The following NDFIP1 variants were observed in gnomAD, a reference collection of about 807,000 sequenced individuals.
NDFIP1 encodes NEDD4 family-interacting protein 1.
Under a neutral mutation model 28.8 loss-of-function variants are expected in NDFIP1, and 7 were observed. The ratio of observed to expected loss-of-function variants is 0.24; its 90% CI spans 0.14 to 0.46. The LOEUF (loss-of-function observed/expected upper bound fraction) is 0.46, where lower values mean the gene tolerates loss of function less well. NDFIP1 is among the 20% of genes least tolerant of loss of function. NDFIP1 has a pLI of 0.99. For synonymous variants in NDFIP1, 92 were observed against 101.0 expected, an observed-to-expected ratio of 0.91 and a Z score of 0.53; for missense variants, 194 against 269.1, an observed-to-expected ratio of 0.72 and a Z score of 1.95.
chr5:142,123,997 A>G (rs971746328), intron 1 of NDFIP1, among the ~76,000 whole-genome samples: 7 of 152,216 alleles, frequency 4.6e-5, no homozygotes, highest in African/African-American at 1.4e-4. Flanking sequence ...TAGACTTGCT[A>G]TTAACTATTT....
At position 142,137,832 on chromosome 5, in the gene NDFIP1, CTA is replaced by C; in HGVS notation, c.470_471del (p.Leu157HisfsTer2). On this transcript the variant is annotated frameshift_variant, in exon 5 of 8. Transcript: ENST00000253814. LOFTEE classifies it high-confidence loss of function. The stretch of plus-strand genomic sequence containing the variant: ...GGCCATTTCAGGATTTGGTCTCTCT[CTA>C]ATTAAATGGATCCTGATTGTCAGGG... ...YGAISGFGLS[L>X]IKWILIVRFS... is the part of the protein sequence containing the mutation. 6.2e-7 allele frequency: 1 copy of C among 1,614,070 alleles called. No individual in the cohort carries two copies. Among genetic ancestry groups the C allele is most frequent in the Non-Finnish European group, 8.5e-7 (1 of 1,179,976 alleles).
intron 1 of NDFIP1, among the ~76,000 whole-genome samples, chr5:142,130,761 A>G (rs1462846439): frequency 2.6e-5 from 4 of 152,152 alleles, no homozygotes; most frequent in Non-Finnish European, 5.9e-5. Flanking sequence ...CAGATACACA[A>G]CAAAAAGGAA....
At chr5:142,126,789 C>T (rs79824688) in intron 1 of NDFIP1, among the ~76,000 whole-genome samples, 3,624 of 152,046 alleles carry the variant, frequency 0.024, 55 homozygotes, top group Non-Finnish European at 0.036. Context: ...GTGAGGAGGG[C>T]GGTGGTGAAG....
intron 1 of NDFIP1, among the ~76,000 whole-genome samples, chr5:142,122,368 C>A (rs1006705198): frequency 6.6e-6 from 1 of 152,230 alleles, no homozygotes; most frequent in Admixed American, 6.5e-5. Flanking sequence ...ACACTGCTGT[C>A]TCATTATGTG....
At chr5:142,117,357 C>A (rs1448894588) in intron 1 of NDFIP1, among the ~76,000 whole-genome samples, 7 of 151,734 alleles carry the variant, frequency 4.6e-5, no homozygotes, top group Non-Finnish European at 1.0e-4. Flanking sequence ...GATTCTCCTG[C>A]CTCAGTCTCC....
Position 142,109,007 on chromosome 5 carries a change from C to G in NDFIP1, c.33C>G (p.Val11=). MALALAALAA[V]EPACGSRYQQ... ...TGGCGTTGGCGGCGCTGGCGGCGGTCGAGCCGGCCTGCGGCAGCCGGTACC... is the reference window on the plus strand; with the variant it reads ...TGGCGTTGGCGGCGCTGGCGGCGGTGGAGCCGGCCTGCGGCAGCCGGTACC... The change falls in exon 1 of 8, where the codon GTC becomes GTG. Residue 11 remains valine, a synonymous_variant. Transcript: ENST00000253814. The G allele has an allele frequency of 6.9e-7, 1 of 1,441,228 alleles. No homozygotes were observed. Among genetic ancestry groups the G allele is most frequent in the Non-Finnish European group, 9.1e-7 (1 of 1,099,864 alleles). 89.3% of individuals were successfully genotyped at this position (1,441,228 alleles called of 1,614,324 possible).
chr5:142,119,413 ATGTT>A lies in NDFIP1; in HGVS notation c.63+10377_63+10380del, dbSNP rs1757100902. ...TCTTAAAAACTCTACTTATTTCCAA[ATGTT>A]ACTTAGGTCAGCACCTTTTCCTCCA... On this transcript the variant is annotated intron_variant, in intron 1 of 7. Transcript: ENST00000253814. Among the ~76,000 whole-genome samples the A allele has an allele frequency of 2.0e-5, 3 of 152,380 alleles. No individual in the cohort carries two copies. In the East Asian group the frequency reaches 5.8e-4, roughly 29 times the overall value.
At chr5:142,116,821 G>T (rs1002451696) in intron 1 of NDFIP1, among the ~76,000 whole-genome samples, 10 of 150,748 alleles carry the variant, frequency 6.6e-5, no homozygotes, top group African/African-American at 2.4e-4. Context: ...AGAGATTCTC[G>T]TGCCTCAGCT....
At chr5:142,130,690 T>C (rs1454089919) in intron 1 of NDFIP1, among the ~76,000 whole-genome samples, 2 of 88,746 alleles carry the variant, frequency 2.3e-5, no homozygotes, top group African/African-American at 1.1e-4. Context: ...TGAGATCCTG[T>C]CTCTCCAAAA....
chr5:142,137,521 AGT>A (rs1757289110), intron 4 of NDFIP1, among the ~76,000 whole-genome samples: 1 of 152,098 alleles, frequency 6.6e-6, no homozygotes, highest in Admixed American at 6.5e-5. Context: ...AGTAGACATA[AGT>A]GTGTAAAACC....
At position 142,130,083 on chromosome 5, in the gene NDFIP1, A is replaced by G. The variant is rs903110393; in HGVS notation, c.64-1725A>G. On this transcript the variant is annotated intron_variant, in intron 1 of 7. Coordinates refer to ENST00000253814, the MANE Select transcript of NDFIP1 (RefSeq NM_030571.4). ...TTACAAGTATGTCAGTTGGCTCTGT[A>G]TATCCTGATGATACCGAAGCCAGGA... Among the ~76,000 whole-genome samples, 36 of 152,124 alleles carry G rather than the reference A, an allele frequency of 2.4e-4. 1 individual carries two copies. Among genetic ancestry groups the G allele is most frequent in the Non-Finnish European group, 8.8e-5 (6 of 68,030 alleles).
chr5:142,117,161 A>G (rs918918998), intron 1 of NDFIP1, among the ~76,000 whole-genome samples: 9 of 152,152 alleles, frequency 5.9e-5, no homozygotes, highest in South Asian at 2.1e-4. Flanking sequence ...TTGGAGGTCT[A>G]TCTGGAGACT....
At chr5:142,132,871 A>G (rs1045635135) in intron 3 of NDFIP1, among the ~76,000 whole-genome samples, 2 of 152,220 alleles carry the variant, frequency 1.3e-5, no homozygotes, top group African/African-American at 2.4e-5. Context: ...TGCCATATAA[A>G]CCAGTGGAGA....
At chr5:142,137,106 G>A (rs994055779) in intron 4 of NDFIP1, among the ~76,000 whole-genome samples, 1 of 149,710 alleles carries the variant, frequency 6.7e-6, no homozygotes. Context: ...GAGGTTGTAA[G>A]TATACAGTTT....
chr5:142,118,628 A>G (rs1176712867), intron 1 of NDFIP1, among the ~76,000 whole-genome samples: 2 of 152,210 alleles, frequency 1.3e-5, no homozygotes, highest in Non-Finnish European at 2.9e-5. Context: ...ACTCTTGGGA[A>G]GGAAGTCACT....
At chr5:142,112,653 T>C (rs1757026801) in intron 1 of NDFIP1, among the ~76,000 whole-genome samples, 1 of 144,826 alleles carries the variant, frequency 6.9e-6, no homozygotes, top group Admixed American at 6.9e-5. Context: ...TAGTTGGGCG[T>C]GGTGGCACGT....
chr5:142,121,774 G>A (rs1440677278), intron 1 of NDFIP1, among the ~76,000 whole-genome samples: 1 of 152,230 alleles, frequency 6.6e-6, no homozygotes, highest in Non-Finnish European at 1.5e-5. Flanking sequence ...GATTTGTAAA[G>A]TAATATGAAT....
intron 7 of NDFIP1, among the ~76,000 whole-genome samples, chr5:142,149,423 C>T (rs9942361): frequency 0.11 from 16,072 of 142,818 alleles, 1,214 homozygotes; most frequent in East Asian, 0.37. Context: ...GATCTGTAGG[C>T]TATTGGATTC....
chr5:142,113,394 T>C (rs951131952), intron 1 of NDFIP1, among the ~76,000 whole-genome samples: 1 of 152,218 alleles, frequency 6.6e-6, no homozygotes. Context: ...TTTTTGCTTA[T>C]TTTTCAGTTT....
Sources: gnomAD v4.1 joint callset for allele counts (sites outside exome capture counted in the v4.1 genomes callset) on GRCh38, gnomAD v4.1.1 for gene constraint, MANE v1.5 for transcripts, NCBI Gene and HGNC (gene_info 2026-07-23, HGNC 2026-07-21) for gene names.